Variants in INTS12 observed in about 807,000 individuals in gnomAD.
The protein encoded by INTS12 is integrator complex subunit 12.
In INTS12, 13 loss-of-function variants were observed where a neutral mutation model predicts 41.6. That is an observed-to-expected ratio of 0.31 (90% confidence interval 0.20 to 0.50). The LOEUF (loss-of-function observed/expected upper bound fraction) is 0.50, where lower values mean the gene tolerates loss of function less well. INTS12 is among the 20% of genes least tolerant of loss of function. The probability of loss-of-function intolerance (pLI) is 0.98; values close to 1 mark genes in which losing one functional copy is unlikely to be tolerated. For synonymous variants in INTS12, 199 were observed against 191.4 expected (o/e 1.04, Z -0.33); for missense variants, 432 against 541.6 (o/e 0.80, Z 2.01).
intron 3 of INTS12, among the ~76,000 whole-genome samples, chr4:105,695,946 T>A (rs867701251): frequency 6.6e-6 from 1 of 152,124 alleles, no homozygotes; most frequent in Non-Finnish European, 1.5e-5. Context: ...CTCTGCCTCC[T>A]GGGTTCAAGT....
intron 4 of INTS12, 76 bp downstream of exon 4, chr4:105,695,440 G>T: frequency 2.8e-6 from 3 of 1,064,698 alleles, no homozygotes; most frequent in Middle Eastern, 3.0e-4. Context: ...AAAGAAATAG[G>T]CATAAAACAT....
chr4:105,685,857 C>T (rs1731481734), intron 7 of INTS12, among the ~76,000 whole-genome samples: 1 of 151,740 alleles, frequency 6.6e-6, no homozygotes, highest in African/African-American at 2.4e-5. Flanking sequence ...AAGGTGATAC[C>T]CTCACTAGAC....
chr4:105,708,399 C>G, intron 1 of INTS12: 3 of 985,494 alleles, frequency 3.0e-6, no homozygotes, highest in Non-Finnish European at 3.6e-6. Flanking sequence ...GTCCCTTGTC[C>G]CTAGACCTAG....
intron 1 of INTS12, 146 bp downstream of exon 1, chr4:105,708,492 T>C (rs1732384872): frequency 1.0e-6 from 1 of 985,262 alleles, no homozygotes; most frequent in Admixed American, 6.2e-5. Context: ...GCAGTCAGTC[T>C]AGGGCACGCA....
chr4:105,699,606 C>T (rs1200341724), intron 3 of INTS12, among the ~76,000 whole-genome samples: 1 of 152,058 alleles, frequency 6.6e-6, no homozygotes, highest in Admixed American at 6.5e-5. Flanking sequence ...AAGTCGTAAA[C>T]AAGTGAATTC....
At chr4:105,697,205 T>C (rs17262457) in intron 3 of INTS12, among the ~76,000 whole-genome samples, 10,174 of 152,304 alleles carry the variant, frequency 0.067, 349 homozygotes, top group Middle Eastern at 0.11. Context: ...TTTGCTGATA[T>C]AGATAACTTG....
intron 2 of INTS12, chr4:105,703,155 G>C (rs1041327253): frequency 1.8e-5 from 5 of 272,640 alleles, no homozygotes; most frequent in Non-Finnish European, 2.8e-5. Flanking sequence ...TCTTACTATG[G>C]ATTAGAGTTC....
At chr4:105,695,467 T>C (rs1578386633) in intron 4 of INTS12, 49 bp downstream of exon 4, 1 of 1,452,520 alleles carries the variant, frequency 6.9e-7, no homozygotes, top group South Asian at 1.2e-5. Flanking sequence ...TTTCTGCTTA[T>C]GGAACAACTA....
rs936672634 is a variant in INTS12 at position 105,682,676 on chromosome 4, A to G, written c.*57T>C. The G allele has an allele frequency of 6.7e-5, 86 of 1,278,330 alleles. No individual in the cohort carries two copies. Among genetic ancestry groups the G allele is most frequent in the Non-Finnish European group, 9.5e-5 (85 of 895,984 alleles). The allele number at this position is 1,278,330 out of a possible 1,614,324, so 79.2% of individuals were successfully genotyped here. On this transcript the variant is annotated 3_prime_UTR_variant, in exon 8 of 8. Transcript: ENST00000340139. ...ATTACAGTGTATTACAGATTATATC[A>G]TAATAATAAGCCTTTCATCTTTAGG...
At chr4:105,703,488 T>C (rs1000539314) in intron 2 of INTS12, among the ~76,000 whole-genome samples, 160 bp downstream of exon 2, 5 of 152,170 alleles carry the variant, frequency 3.3e-5, no homozygotes, top group Non-Finnish European at 7.3e-5. Flanking sequence ...TTACTTCCTA[T>C]CCAGCTCACA....
chr4:105,707,902 T>G, intron 1 of INTS12: 2 of 921,740 alleles, frequency 2.2e-6, no homozygotes, highest in Non-Finnish European at 2.6e-6. Context: ...TTCTCCTAGA[T>G]CCATTTTTCA....
chr4:105,693,510 A>G (rs1354992937), intron 4 of INTS12, 24 bp from the exon 5 acceptor site: 2 of 1,585,910 alleles, frequency 1.3e-6, no homozygotes, highest in African/African-American at 2.7e-5. Flanking sequence ...GCATCAGAAA[A>G]TGATAAAGTA....
intron 1 of INTS12, among the ~76,000 whole-genome samples, chr4:105,704,699 T>A (rs1414221722): frequency 1.3e-5 from 2 of 152,198 alleles, no homozygotes; most frequent in African/African-American, 4.8e-5. Flanking sequence ...CATACACTAT[T>A]CCCTTTTCTC....
chr4:105,701,544 C>T (rs1732074374), intron 2 of INTS12, among the ~76,000 whole-genome samples: 1 of 152,024 alleles, frequency 6.6e-6, no homozygotes. Flanking sequence ...CATGTACGTT[C>T]TGAGGAAAAA....
intron 6 of INTS12, among the ~76,000 whole-genome samples, chr4:105,689,218 A>G (rs1396572275): frequency 3.3e-5 from 5 of 152,238 alleles, no homozygotes; most frequent in Non-Finnish European, 4.4e-5. Flanking sequence ...CACGATCACA[A>G]CATTCTTAAC....
intron 6 of INTS12, 172 bp from the exon 7 acceptor site, chr4:105,687,010 T>C (rs931587955): frequency 8.2e-6 from 5 of 611,946 alleles, no homozygotes; most frequent in Middle Eastern, 4.4e-4. Context: ...ATATTAATGG[T>C]CTTACAGATT....
chr4:105,690,816 T>C (rs1323834425), intron 6 of INTS12, among the ~76,000 whole-genome samples: 2 of 152,220 alleles, frequency 1.3e-5, no homozygotes, highest in Non-Finnish European at 2.9e-5. Flanking sequence ...TCACAATTTG[T>C]TTCTTTTGAC....
intron 7 of INTS12, 93 bp downstream of exon 7, chr4:105,686,599 T>A: frequency 1.1e-6 from 1 of 912,036 alleles, no homozygotes; most frequent in Non-Finnish European, 1.6e-6. Context: ...ATTTAGTATA[T>A]AAAGTTTCTC....
At chr4:105,699,403 G>A (rs916690543) in intron 3 of INTS12, among the ~76,000 whole-genome samples, 1 of 152,126 alleles carries the variant, frequency 6.6e-6, no homozygotes, top group African/African-American at 2.4e-5. Flanking sequence ...GAGCTACACA[G>A]TTCTCAGAGT....
Sources: allele counts gnomAD v4.1 joint callset (sites outside exome capture counted in the v4.1 genomes callset), GRCh38; gene constraint gnomAD v4.1.1; transcripts MANE v1.5; gene names NCBI Gene and HGNC (gene_info 2026-07-23, HGNC 2026-07-21).